NCAM1: variants seen among roughly 807,000 people sequenced by gnomAD.
NCAM1 encodes antigen recognized by monoclonal antibody 5.1H11.
Under a neutral mutation model 109.8 loss-of-function variants are expected in NCAM1, and 14 were observed. The ratio of observed to expected loss-of-function variants is 0.13; its 90% CI spans 0.08 to 0.20. NCAM1 has a LOEUF of 0.20. Ranked by LOEUF, NCAM1 falls within the 10% of genes least tolerant of loss-of-function variation. The pLI is 1.00. For synonymous variants in NCAM1, 418 were observed against 442.9 expected (o/e 0.94, Z 0.70); for missense variants, 774 against 1,109.9 (o/e 0.70, Z 4.30).
intron 1 of NCAM1, among the ~76,000 whole-genome samples, chr11:113,095,106 T>A (rs1565432821): frequency 6.6e-6 from 1 of 152,210 alleles, no homozygotes; most frequent in Non-Finnish European, 1.5e-5. Context: ...TAAATCTTGA[T>A]ATTTCATGGA....
chr11:113,189,449 C>CAAAAAA (rs10712434), intron 1 of NCAM1, among the ~76,000 whole-genome samples: 5 of 118,024 alleles, frequency 4.2e-5, no homozygotes, highest in African/African-American at 9.2e-5. Flanking sequence ...GATTCTGTCT[C>CAAAAAA]AAAAAAAAAA....
At chr11:113,152,438 G>A (rs375138027) in intron 1 of NCAM1, among the ~76,000 whole-genome samples, 1 of 152,234 alleles carries the variant, frequency 6.6e-6, no homozygotes, top group Non-Finnish European at 1.5e-5. Flanking sequence ...ACAAATCAGT[G>A]TAATATGCTC....
At chr11:112,976,366 A>C (rs1326784579) in intron 1 of NCAM1, among the ~76,000 whole-genome samples, 2 of 151,958 alleles carry the variant, frequency 1.3e-5, no homozygotes, top group African/African-American at 4.8e-5. Flanking sequence ...GACTGGAACA[A>C]ATAAATCAAT....
intron 14 of NCAM1, among the ~76,000 whole-genome samples, chr11:113,240,253 C>T (rs1945283440): frequency 6.6e-6 from 1 of 152,200 alleles, no homozygotes; most frequent in Non-Finnish European, 1.5e-5. Flanking sequence ...CACTAGTACA[C>T]ATTAGGTAGG....
chr11:113,163,787 G>T (rs113053686), intron 1 of NCAM1, among the ~76,000 whole-genome samples: 1 of 152,182 alleles, frequency 6.6e-6, no homozygotes, highest in Non-Finnish European at 1.5e-5. Context: ...CCCTGAAGAC[G>T]TAAGTGTCCA....
intron 1 of NCAM1, among the ~76,000 whole-genome samples, chr11:113,116,733 G>C (rs1245083): frequency 6.6e-6 from 1 of 151,384 alleles, no homozygotes; most frequent in Admixed American, 6.6e-5. Flanking sequence ...TGGTTTCTGC[G>C]TGGAACCCAT....
At chr11:113,074,295 A>G (rs1591303262) in intron 1 of NCAM1, among the ~76,000 whole-genome samples, 1 of 152,128 alleles carries the variant, frequency 6.6e-6, no homozygotes, top group East Asian at 1.9e-4. Flanking sequence ...TTTAACATGC[A>G]TTGTGATGTA....
chr11:113,275,152 G>A (rs949810651), intron 19 of NCAM1, 115 bp from the exon 20 acceptor site: 72 of 1,375,110 alleles, frequency 5.2e-5, no homozygotes, highest in Non-Finnish European at 6.2e-5. Context: ...GGTTGGAGCC[G>A]GGTGCTGTCA....
rs181380857 is a variant in NCAM1, at chr11:112,991,003, G to A, written c.52+29339G>A. The stretch of plus-strand genomic sequence containing the variant: ...GCTCTCAAATTATTGTTACTGTTGG[G>A]AGCTACGTGCATCTGTTCCACCATC... On this transcript the variant is annotated intron_variant, in intron 1 of 19. Transcript: ENST00000316851. Among the ~76,000 whole-genome samples, 3 of 152,256 alleles carry A rather than the reference G, an allele frequency of 2.0e-5. No homozygotes were observed. The East Asian group carries it at 5.8e-4, about 29-fold the overall frequency.
chr11:113,066,469 TG>T (rs1937963925), intron 1 of NCAM1, among the ~76,000 whole-genome samples: 1 of 152,178 alleles, frequency 6.6e-6, no homozygotes, highest in African/African-American at 2.4e-5. Context: ...AAAGGCCAAG[TG>T]TTTTCCTAGG....
chr11:112,998,108 TGAGG>T (rs1392653874), intron 1 of NCAM1, among the ~76,000 whole-genome samples: 1 of 152,178 alleles, frequency 6.6e-6, no homozygotes, highest in Non-Finnish European at 1.5e-5. Flanking sequence ...GTGAGGAACT[TGAGG>T]CCCAGAAAGG....
chr11:113,183,027 A>G (rs888944870), intron 1 of NCAM1, among the ~76,000 whole-genome samples: 13 of 152,204 alleles, frequency 8.5e-5, no homozygotes, highest in Non-Finnish European at 1.3e-4. Flanking sequence ...TTGTTTGACT[A>G]TAGAGGTGAA....
intron 1 of NCAM1, among the ~76,000 whole-genome samples, chr11:113,089,211 G>T (rs1555088892): frequency 6.6e-6 from 1 of 152,126 alleles, no homozygotes. Flanking sequence ...TACTCGGGAG[G>T]CTGAGGCAGG....
At chr11:113,140,150 T>C (rs1245135) in intron 1 of NCAM1, among the ~76,000 whole-genome samples, 140,322 of 152,294 alleles carry the variant, frequency 0.92, 64,811 homozygotes, top group East Asian at 0.99. Flanking sequence ...AGTACATTTG[T>C]GTGGACTATC....
At chr11:113,077,520 G>A (rs1350963718) in intron 1 of NCAM1, among the ~76,000 whole-genome samples, 1 of 152,028 alleles carries the variant, frequency 6.6e-6, no homozygotes, top group Non-Finnish European at 1.5e-5. Flanking sequence ...TTTTATTTAG[G>A]CCAGTTTATT....
chr11:113,049,486 A>G (rs923494435), intron 1 of NCAM1, among the ~76,000 whole-genome samples: 2 of 152,208 alleles, frequency 1.3e-5, no homozygotes, highest in African/African-American at 4.8e-5. Flanking sequence ...ATAATTAACT[A>G]TATCTCCCAG....
Position 113,232,384 on chromosome 11 carries a change from G to C in NCAM1, c.1425+30G>C, listed in dbSNP as rs147496955. ...GTCAGGATGGGGGTGGGACAGAGCAGAGAAAGCACAGTTTGACTCTAGGTG... is the reference window on the plus strand; with the variant it reads ...GTCAGGATGGGGGTGGGACAGAGCACAGAAAGCACAGTTTGACTCTAGGTG... On this transcript the variant is annotated intron_variant, in intron 11 of 19. Transcript: ENST00000316851. The C allele has an allele frequency of 2.3e-3, 3,679 of 1,571,162 alleles. 18 individuals are homozygous for C. The highest frequency in any genetic ancestry group is 0.013 in the Middle Eastern group (78 of 5,820).
intron 1 of NCAM1, among the ~76,000 whole-genome samples, chr11:113,102,864 C>A (rs1939936494): frequency 6.6e-6 from 1 of 152,168 alleles, no homozygotes; most frequent in Non-Finnish European, 1.5e-5. Context: ...TCATTCCAGA[C>A]TTTGGAAACA....
intron 1 of NCAM1, among the ~76,000 whole-genome samples, chr11:113,106,484 A>T (rs1940171350): frequency 6.6e-6 from 1 of 152,192 alleles, no homozygotes; most frequent in Admixed American, 6.5e-5. Flanking sequence ...AAAACAGTTG[A>T]GTTGTCTCCC....
Sources: allele counts gnomAD v4.1 joint callset (sites outside exome capture counted in the v4.1 genomes callset), GRCh38; gene constraint gnomAD v4.1.1; transcripts MANE v1.5; gene names NCBI Gene and HGNC (gene_info 2026-07-23, HGNC 2026-07-21).